MCM6: variants seen among roughly 807,000 people sequenced by gnomAD.
MCM6 encodes minichromosome maintenance complex component 6, also known as DNA replication licensing factor MCM6.
Under a neutral mutation model 94.3 loss-of-function variants are expected in MCM6, and 46 were observed. The observed-to-expected ratio is 0.49, with a 90% confidence interval of 0.39 to 0.62. The LOEUF is 0.62. MCM6 is among the 20% of genes least tolerant of loss of function. MCM6 has a pLI of 0.00. For missense variants in MCM6, 865 were observed against 1,017.9 expected (o/e 0.85, Z 2.04); for synonymous variants, 335 against 351.9 (o/e 0.95, Z 0.54).
At chr2:135,874,887 C>T (rs368442546) in intron 1 of MCM6, among the ~76,000 whole-genome samples, 1 of 152,094 alleles carries the variant, frequency 6.6e-6, no homozygotes, top group Non-Finnish European at 1.5e-5. Flanking sequence ...CGCAGAGGAA[C>T]CTTGTAGACA....
At chr2:135,846,413 C>T (rs1410650358) in intron 14 of MCM6, 21 bp from the exon 15 acceptor site, 4 of 1,611,898 alleles carry the variant, frequency 2.5e-6, no homozygotes, top group Non-Finnish European at 3.4e-6. Context: ...AATTGACCAC[C>T]TGAATCTTAT....
At chr2:135,858,089 C>A in intron 9 of MCM6, 85 bp from the exon 10 acceptor site, 1 of 1,250,058 alleles carries the variant, frequency 8.0e-7, no homozygotes, top group Non-Finnish European at 1.2e-6. Context: ...CTTTGGGAGG[C>A]CAAGGCAGGA....
At chr2:135,843,557 AC>A (rs947052329) in intron 16 of MCM6, among the ~76,000 whole-genome samples, 26 of 151,514 alleles carry the variant, frequency 1.7e-4, no homozygotes, top group African/African-American at 6.3e-4. Flanking sequence ...ACATGGCAAA[AC>A]CCCATCTCTA....
At chr2:135,855,856 T>C (rs1245180193) in intron 11 of MCM6, among the ~76,000 whole-genome samples, 1 of 152,232 alleles carries the variant, frequency 6.6e-6, no homozygotes, top group African/African-American at 2.4e-5. Flanking sequence ...TTTATAGTTC[T>C]GTGGGCATCT....
intron 11 of MCM6, among the ~76,000 whole-genome samples, chr2:135,853,886 T>C (rs1356042005): frequency 2.0e-5 from 3 of 152,216 alleles, no homozygotes; most frequent in East Asian, 1.9e-4. Flanking sequence ...CTATGCACTA[T>C]TCCATTTCTT....
chr2:135,857,375 C>A (rs922130590), intron 10 of MCM6, among the ~76,000 whole-genome samples: 1 of 152,126 alleles, frequency 6.6e-6, no homozygotes, highest in Admixed American at 6.5e-5. Context: ...TCAATAGATG[C>A]CTTATTTTCC....
chr2:135,841,859 C>G (rs573791855), intron 16 of MCM6, among the ~76,000 whole-genome samples: 46 of 152,274 alleles, frequency 3.0e-4, no homozygotes, highest in African/African-American at 1.1e-3. Context: ...AATCCCAGCA[C>G]TTTGGGAGGC....
intron 11 of MCM6, among the ~76,000 whole-genome samples, chr2:135,856,454 T>C (rs1225872641): frequency 6.6e-6 from 1 of 152,108 alleles, no homozygotes; most frequent in Non-Finnish European, 1.5e-5. Context: ...AAATAAAAAG[T>C]GTGGTTGGAA....
In MCM6 at chr2:135,866,268, G is replaced by A. The variant is rs1203250622; in HGVS notation, c.791C>T (p.Ala264Val). 6.2e-7 allele frequency: 1 copy of A among 1,614,086 alleles called. No individual in the cohort carries two copies. The highest frequency in any genetic ancestry group is 1.7e-5 in the Admixed American group (1 of 60,010). The change falls in exon 6 of 17, where the codon GCA becomes GTA. Residue 264 changes from alanine (A) to valine (V), a missense_variant. Ala to Val is a moderately conservative substitution (Grantham distance 64, BLOSUM62 0). This residue lies in a region of MCM6 where 404 missense variants were observed against 451.9 expected (regional missense o/e 0.89). Coordinates refer to ENST00000264156, the MANE Select transcript of MCM6 (RefSeq NM_005915.6). ...ACCACTGACACGGGAATTAGTTTCT[G>A]CACGTGCTCCTGAAACAGAATGATA... Reference protein sequence around the residue: ...VSKLSTPGARAETNSRVSGVD... With the variant: ...VSKLSTPGARVETNSRVSGVD...
Position 135,856,873 on chromosome 2 carries a change from T to A in MCM6, c.1481A>T (p.Asn494Ile). Residue 494 changes from asparagine (N) to isoleucine (I), a missense_variant, in exon 11 of 17, where the codon AAC (asparagine) becomes ATC (isoleucine). Coordinates refer to ENST00000264156, the MANE Select transcript of MCM6 (RefSeq NM_005915.6). Reference protein sequence around the residue: ...ITKAGVKATLNARTSILAAAN... With the variant: ...ITKAGVKATLIARTSILAAAN... ...TGCTGCCAAAATGGACGTCCGGGCG[T>A]TCAGAGTAGCCTGACCACAAAAGAA... The A allele has an allele frequency of 2.5e-6, 4 of 1,613,878 alleles. No homozygotes were observed. The highest frequency in any genetic ancestry group is 3.4e-6 in the Non-Finnish European group (4 of 1,179,866).
At chr2:135,874,180 G>C (rs1435445978) in intron 1 of MCM6, among the ~76,000 whole-genome samples, 1 of 152,204 alleles carries the variant, frequency 6.6e-6, no homozygotes, top group African/African-American at 2.4e-5. Context: ...TAGATTATTT[G>C]TTGAAATGAA....
chr2:135,840,720 T>C lies in MCM6; in HGVS notation c.*115A>G, dbSNP rs1029521149. 2.9e-6 allele frequency: 2 copies of C among 693,036 alleles called. No individual in the cohort carries two copies. The highest frequency in any genetic ancestry group is 3.6e-4 in the Middle Eastern group (1 of 2,740). The allele number at this position is 693,036 out of a possible 1,614,324, so 42.9% of individuals were successfully genotyped here. The stretch of plus-strand genomic sequence containing the variant: ...CTCAATTCTTGTTTCTGAAAACAAA[T>C]CCTGGAAGCATCACTTCCAGAAACA... On this transcript the variant is annotated 3_prime_UTR_variant, in exon 17 of 17. Coordinates refer to ENST00000264156, the MANE Select transcript of MCM6 (RefSeq NM_005915.6).
intron 6 of MCM6, 71 bp from the exon 7 acceptor site, chr2:135,865,234 T>C: frequency 8.6e-7 from 1 of 1,156,078 alleles, no homozygotes; most frequent in Non-Finnish European, 1.1e-6. Context: ...AGAAGAAACT[T>C]CATTACAAAC....
In MCM6 at chr2:135,872,750, G is replaced by A; in HGVS notation, c.201C>T (p.Asp67=). 2 of 1,614,040 alleles carry A rather than the reference G, an allele frequency of 1.2e-6. No individual in the cohort carries two copies. Among genetic ancestry groups the A allele is most frequent in the South Asian group, 2.2e-5 (2 of 91,074 alleles). The change falls in exon 2 of 17, where the codon GAC becomes GAT. Residue 67 remains aspartate, a synonymous_variant. Transcript: ENST00000264156. Reference sequence around the variant, plus strand: ...AAAGTTGCTGGTTAAATTGTTCCAGGTCCACAAAACTCACAACCAATGTGT... The same window carrying A: ...AAAGTTGCTGGTTAAATTGTTCCAGATCCACAAAACTCACAACCAATGTGT... ...ERNTLVVSFV[D]LEQFNQQLST...
chr2:135,846,849 C>A (rs1425627791), intron 14 of MCM6, among the ~76,000 whole-genome samples: 1 of 151,794 alleles, frequency 6.6e-6, no homozygotes, highest in Admixed American at 6.6e-5. Flanking sequence ...ACTAAAAATA[C>A]AAAAATTAGC....
In MCM6 at chr2:135,840,780, G is replaced by C; in HGVS notation, c.*55C>G. The C allele has an allele frequency of 8.1e-7, 1 of 1,233,584 alleles. No individual in the cohort carries two copies. Among genetic ancestry groups the C allele is most frequent in the Non-Finnish European group, 1.2e-6 (1 of 835,112 alleles). 76.4% of individuals were successfully genotyped at this position (1,233,584 alleles called of 1,614,324 possible). ...CTAGCAGAGCTCCAGCCAGGCTCCA[G>C]GCCACGAGGTGCTGTGCCACAGTTC... is the stretch of plus-strand genomic sequence containing the variant. On this transcript the variant is annotated 3_prime_UTR_variant, in exon 17 of 17. Transcript: ENST00000264156.
intron 3 of MCM6, 46 bp downstream of exon 3, chr2:135,870,205 T>TA: frequency 2.8e-6 from 4 of 1,404,886 alleles, no homozygotes; most frequent in Non-Finnish European, 3.0e-6. Context: ...AAGTGGTACT[T>TA]ATACCATTTG....
At chr2:135,866,378 T>A in intron 5 of MCM6, 101 bp from the exon 6 acceptor site, 1 of 1,472,104 alleles carries the variant, frequency 6.8e-7, no homozygotes, top group South Asian at 1.2e-5. Flanking sequence ...AGACTTCACT[T>A]AAGCCTTGAA....
At position 135,870,333 on chromosome 2, in the gene MCM6, T is replaced by G; in HGVS notation, c.283A>C (p.Lys95Gln). The stretch of plus-strand genomic sequence containing the variant: ...TCTTTACGGTCTTTGACGAATGTTT[T>G]CAAGGCCCGACACAGGTAAGGGTAA... ...RVYPYLCRAL[K>Q]TFVKDRKEIP... is the part of the protein sequence containing the mutation. The change falls in exon 3 of 17, where the codon AAA becomes CAA. Residue 95 changes from lysine to glutamine, a missense_variant. This residue lies in a region of MCM6 where 404 missense variants were observed against 451.9 expected (regional missense o/e 0.89). Coordinates refer to ENST00000264156, the MANE Select transcript of MCM6 (RefSeq NM_005915.6). 1 of 1,613,970 alleles carries G rather than the reference T, an allele frequency of 6.2e-7. No individual in the cohort carries two copies. The highest frequency in any genetic ancestry group is 8.5e-7 in the Non-Finnish European group (1 of 1,179,898).
Sources: allele counts gnomAD v4.1 joint callset (sites outside exome capture counted in the v4.1 genomes callset), GRCh38; gene constraint gnomAD v4.1.1; regional missense constraint gnomAD v4.1.1; transcripts MANE v1.5; gene names NCBI Gene and HGNC (gene_info 2026-07-23, HGNC 2026-07-21).